Variants in PNLIPRP3 observed in about 807,000 individuals in gnomAD.
The protein encoded by PNLIPRP3 is pancreatic lipase related protein 3, also known as pancreatic lipase-related protein 3.
A neutral mutation model predicts 52.8 loss-of-function variants in PNLIPRP3; 58 were observed. That is an observed-to-expected ratio of 1.10 (90% CI 0.89 to 1.37). The LOEUF is 1.37. Among genes scored for constraint, PNLIPRP3 ranks in the 40% most tolerant of loss-of-function variants. The pLI is 0.00. For missense variants in PNLIPRP3, 593 were observed against 561.6 expected (o/e 1.06, Z -0.57); for synonymous variants, 192 against 185.0 (o/e 1.04, Z -0.31).
intron 4 of PNLIPRP3, among the ~76,000 whole-genome samples, chr10:116,448,027 A>AGAGAGAGAGAGAG: frequency 2.1e-4 from 1 of 4,762 alleles, no homozygotes. Context: ...GGAAGGAAGG[A>AGAGAGAGAGAGAG]AAGAAAGAAA....
intron 2 of PNLIPRP3, chr10:116,439,644 A>G (rs547591628): frequency 9.2e-5 from 70 of 763,148 alleles, no homozygotes; most frequent in Non-Finnish European, 1.5e-4. Context: ...TTTCGCTGCC[A>G]TTTAAGTTAT....
intron 5 of PNLIPRP3, among the ~76,000 whole-genome samples, chr10:116,458,416 A>G (rs189613381): frequency 3.3e-5 from 5 of 151,004 alleles, no homozygotes; most frequent in African/African-American, 1.2e-4. Flanking sequence ...AACAAATTCA[A>G]TGTTCCCTCT....
At chr10:116,471,933 T>A in intron 10 of PNLIPRP3, 54 bp downstream of exon 10, 3 of 1,065,688 alleles carry the variant, frequency 2.8e-6, no homozygotes, top group Non-Finnish European at 4.2e-6. Flanking sequence ...TCAGTAACAC[T>A]AAGTGAGACT....
intron 5 of PNLIPRP3, among the ~76,000 whole-genome samples, chr10:116,459,598 C>T (rs1481174912): frequency 6.6e-6 from 1 of 152,102 alleles, no homozygotes; most frequent in Non-Finnish European, 1.5e-5. Flanking sequence ...CTTCATCTTC[C>T]ACCGAATCCT....
intron 10 of PNLIPRP3, among the ~76,000 whole-genome samples, chr10:116,475,905 A>G (rs1162465004): frequency 1.3e-5 from 2 of 152,186 alleles, no homozygotes; most frequent in Non-Finnish European, 2.9e-5. Context: ...AACACAACAA[A>G]AAAAGGGACT....
chr10:116,438,986 G>A (rs1357214627), intron 2 of PNLIPRP3, among the ~76,000 whole-genome samples: 1 of 152,132 alleles, frequency 6.6e-6, no homozygotes, highest in East Asian at 1.9e-4. Flanking sequence ...AGACACAAAA[G>A]GACAAATAAT....
chr10:116,464,566 G>T (rs1727706383), intron 7 of PNLIPRP3, among the ~76,000 whole-genome samples: 1 of 152,186 alleles, frequency 6.6e-6, no homozygotes, highest in Admixed American at 6.5e-5. Flanking sequence ...GCCAGTACAG[G>T]CACTGGTTCC....
Position 116,428,068 on chromosome 10 carries a change from T to C in PNLIPRP3, c.49+7T>C, listed in dbSNP as rs766014264. The stretch of plus-strand genomic sequence containing the variant: ...TTCTTTGGCACATCAAGAGGTAAGA[T>C]TCATAATTTATAATAAGTTCTTTAA... On this transcript the variant is annotated splice_region_variant and intron_variant, in intron 1 of 11. Coordinates refer to ENST00000369230, the MANE Select transcript of PNLIPRP3 (RefSeq NM_001011709.3). 3 of 1,590,316 alleles carry C rather than the reference T, an allele frequency of 1.9e-6. No individual in the cohort carries two copies. In the African/African-American group the frequency reaches 4.0e-5, roughly 21 times the overall value.
At chr10:116,440,772 G>A (rs1001304929) in intron 2 of PNLIPRP3, among the ~76,000 whole-genome samples, 2 of 152,184 alleles carry the variant, frequency 1.3e-5, no homozygotes, top group African/African-American at 4.8e-5. Flanking sequence ...AACCTAGAGT[G>A]ACTTATACAG....
intron 5 of PNLIPRP3, among the ~76,000 whole-genome samples, chr10:116,457,229 C>G (rs1846128452): frequency 6.6e-6 from 1 of 152,148 alleles, no homozygotes; most frequent in South Asian, 2.1e-4. Context: ...ATCACATGGT[C>G]TTATAATTAT....
chr10:116,455,712 A>G lies in PNLIPRP3; in HGVS notation c.457-10A>G. On this transcript the variant is annotated splice_polypyrimidine_tract_variant and intron_variant, in intron 4 of 11. Transcript: ENST00000369230. The stretch of plus-strand genomic sequence containing the variant: ...TTTAAAATACTTATTCTGTTAAACA[A>G]TTCTTTCAGAAAAAATTTGAATATT... 1 of 1,598,870 alleles carries G rather than the reference A, an allele frequency of 6.3e-7. No individual in the cohort carries two copies. Among genetic ancestry groups the G allele is most frequent in the Non-Finnish European group, 8.6e-7 (1 of 1,166,498 alleles).
At chr10:116,454,004 A>T (rs1846076145) in intron 4 of PNLIPRP3, among the ~76,000 whole-genome samples, 1 of 151,682 alleles carries the variant, frequency 6.6e-6, no homozygotes, top group East Asian at 1.9e-4. Flanking sequence ...CTCATTGTTC[A>T]ACTCCCACTT....
At chr10:116,446,421 A>G (rs1019266582) in intron 4 of PNLIPRP3, among the ~76,000 whole-genome samples, 1 of 151,466 alleles carries the variant, frequency 6.6e-6, no homozygotes, top group African/African-American at 2.4e-5. Context: ...TGTAGCATTC[A>G]TTGGCAGTTA....
At chr10:116,448,123 T>G (rs997920356) in intron 4 of PNLIPRP3, among the ~76,000 whole-genome samples, 2 of 152,158 alleles carry the variant, frequency 1.3e-5, no homozygotes, top group South Asian at 2.1e-4. Flanking sequence ...GGTAAACATA[T>G]AGACAAATAC....
Position 116,443,104 on chromosome 10 carries a change from C to G in PNLIPRP3, c.254C>G (p.Thr85Arg). ...ACTATCCAAGCCTCATATTTTGGAA[C>G]AGACAAGATCACCCGTATCAACATA... ...SSTIQASYFG[T>R]DKITRINIAG... Residue 85 changes from threonine to arginine, a missense_variant, in exon 3 of 12, where the codon ACA becomes AGA. By Grantham distance (71) the Thr-to-Arg change is moderately conservative (BLOSUM62 -1). Coordinates refer to ENST00000369230, the MANE Select transcript of PNLIPRP3 (RefSeq NM_001011709.3). 2 of 1,610,108 alleles carry G rather than the reference C, an allele frequency of 1.2e-6. No individual in the cohort carries two copies. The highest frequency in any genetic ancestry group is 8.5e-7 in the Non-Finnish European group (1 of 1,177,140).
At chr10:116,436,601 C>A in intron 1 of PNLIPRP3, 110 bp from the exon 2 acceptor site, 2 of 1,126,034 alleles carry the variant, frequency 1.8e-6, no homozygotes, top group Non-Finnish European at 2.5e-6. Context: ...GCCATAAATC[C>A]AATAAGGGGT....
intron 10 of PNLIPRP3, among the ~76,000 whole-genome samples, chr10:116,475,913 A>T (rs180741820): frequency 4.5e-4 from 68 of 152,262 alleles, no homozygotes; most frequent in Admixed American, 3.1e-3. Context: ...AAAAAAAGGG[A>T]CTGTTTCATC....
chr10:116,461,076 T>C lies in PNLIPRP3; in HGVS notation c.676T>C (p.Phe226Leu). ...TCATACAAATGCAGCTCGCATCCTC[T>C]TTGAGCTTGGTAAGTTTTAACAGAA... Reference protein sequence around the residue: ...VIHTNAARILFELGVGTIDAC... With the variant: ...VIHTNAARILLELGVGTIDAC... Residue 226 changes from phenylalanine to leucine, a missense_variant, in exon 6 of 12, where the codon TTT (phenylalanine) becomes CTT (leucine). Physicochemically the swap from Phe to Leu is conservative, Grantham distance 22. Transcript: ENST00000369230. 6.2e-7 allele frequency: 1 copy of C among 1,614,188 alleles called. No homozygotes were observed. The highest frequency in any genetic ancestry group is 1.1e-5 in the South Asian group (1 of 91,084).
chr10:116,462,607 A>G (rs1846209423), intron 7 of PNLIPRP3, among the ~76,000 whole-genome samples: 1 of 152,178 alleles, frequency 6.6e-6, no homozygotes, highest in African/African-American at 2.4e-5. Flanking sequence ...TGTCTAATCT[A>G]CAGGTGCAAC....
Sources: gnomAD v4.1 joint callset for allele counts (sites outside exome capture counted in the v4.1 genomes callset) on GRCh38, gnomAD v4.1.1 for gene constraint, MANE v1.5 for transcripts, NCBI Gene and HGNC (gene_info 2026-07-23, HGNC 2026-07-21) for gene names.